Variants in LHFPL3 observed in about 807,000 individuals in gnomAD.
The protein encoded by LHFPL3 is LHFPL tetraspan subfamily member 3.
In LHFPL3, 5 loss-of-function variants were observed where a neutral mutation model predicts 19.3. That is an observed-to-expected ratio of 0.26 (90% CI 0.14 to 0.54). LHFPL3 has a LOEUF of 0.54. Among genes scored for constraint, LHFPL3 ranks in the 20% least tolerant of loss-of-function variants. LHFPL3 has a pLI of 0.94. For missense variants in LHFPL3, 249 were observed against 307.4 expected, an observed-to-expected ratio of 0.81 and a Z score of 1.42; for synonymous variants, 133 against 126.2, an observed-to-expected ratio of 1.05 and a Z score of -0.36.
At chr7:104,859,873 A>G (rs1382358862) in intron 2 of LHFPL3, among the ~76,000 whole-genome samples, 1 of 152,184 alleles carries the variant, frequency 6.6e-6, no homozygotes, top group Non-Finnish European at 1.5e-5. Context: ...ATGTAGGTTT[A>G]TCAATTGTAA....
intron 1 of LHFPL3, among the ~76,000 whole-genome samples, chr7:104,369,195 T>C (rs183966602): frequency 2.0e-5 from 3 of 152,294 alleles, no homozygotes; most frequent in African/African-American, 7.2e-5. Flanking sequence ...AAAATTCTCT[T>C]GAGTCTGTGT....
intron 1 of LHFPL3, among the ~76,000 whole-genome samples, chr7:104,679,341 T>C (rs10279337): frequency 0.5 from 75,401 of 151,996 alleles, 19,043 homozygotes; most frequent in South Asian, 0.65. Context: ...AGTCTGAAGC[T>C]GCAATGTCTT....
intron 1 of LHFPL3, among the ~76,000 whole-genome samples, chr7:104,551,811 G>C (rs1315260730): frequency 6.6e-6 from 1 of 152,168 alleles, no homozygotes; most frequent in Non-Finnish European, 1.5e-5. Flanking sequence ...CCAGGGAGAA[G>C]CAGGAGAACG....
At chr7:104,484,665 G>T (rs1028403391) in intron 1 of LHFPL3, among the ~76,000 whole-genome samples, 2 of 152,194 alleles carry the variant, frequency 1.3e-5, no homozygotes, top group African/African-American at 4.8e-5. Context: ...AAAGAACAGA[G>T]ATTTATTTCT....
chr7:104,845,430 G>T, intron 2 of LHFPL3: 1 of 1,536,046 alleles, frequency 6.5e-7, no homozygotes, highest in Non-Finnish European at 8.7e-7. Context: ...ACCACACCAT[G>T]TAAGTGTGAG....
intron 2 of LHFPL3, among the ~76,000 whole-genome samples, chr7:104,761,665 A>T (rs1029373912): frequency 6.6e-6 from 1 of 152,180 alleles, no homozygotes; most frequent in African/African-American, 2.4e-5. Flanking sequence ...TAAACGCAGG[A>T]TCCCTTCATT....
chr7:104,538,397 G>A (rs1794427091), intron 1 of LHFPL3, among the ~76,000 whole-genome samples: 1 of 152,186 alleles, frequency 6.6e-6, no homozygotes, highest in Non-Finnish European at 1.5e-5. Flanking sequence ...AGAAGAGACT[G>A]CCTCTTAGAG....
chr7:104,791,814 G>A (rs969884420), intron 2 of LHFPL3, among the ~76,000 whole-genome samples: 2 of 152,140 alleles, frequency 1.3e-5, no homozygotes, highest in African/African-American at 2.4e-5. Context: ...ATTCCAAGAT[G>A]ACTATGTCTT....
chr7:104,880,763 A>G (rs1792034649), intron 2 of LHFPL3, among the ~76,000 whole-genome samples: 1 of 152,134 alleles, frequency 6.6e-6, no homozygotes, highest in African/African-American at 2.4e-5. Flanking sequence ...GCTGTAATGG[A>G]GGTATATAAA....
Position 104,773,684 on chromosome 7 carries a change from C to T in LHFPL3, c.682+36773C>T, listed in dbSNP as rs141417557. Among the ~76,000 whole-genome samples the T allele has an allele frequency of 5.2e-3, 786 of 152,286 alleles. 4 individuals carry two copies. The highest frequency in any genetic ancestry group is 0.018 in the African/African-American group (741 of 41,550). ...GGGCAGGCCCCTGGCCCAGTCCTTA[C>T]AAAGAGAAGAAACCTGGACAGAGAC... On this transcript the variant is annotated intron_variant, in intron 2 of 2. Transcript: ENST00000424859.
chr7:104,633,372 T>C (rs916899417), intron 1 of LHFPL3, among the ~76,000 whole-genome samples: 2 of 152,180 alleles, frequency 1.3e-5, no homozygotes, highest in African/African-American at 4.8e-5. Flanking sequence ...TCTGACTATT[T>C]CTACTCAAGT....
At chr7:104,685,589 G>T (rs1007023319) in intron 1 of LHFPL3, among the ~76,000 whole-genome samples, 45 of 152,274 alleles carry the variant, frequency 3.0e-4, no homozygotes, top group African/African-American at 1.0e-3. Context: ...CAGAGTATAA[G>T]AGCATGTAGG....
At chr7:104,573,034 C>A (rs1790256872) in intron 1 of LHFPL3, among the ~76,000 whole-genome samples, 1 of 152,132 alleles carries the variant, frequency 6.6e-6, no homozygotes, top group African/African-American at 2.4e-5. Flanking sequence ...TTATTTCTGG[C>A]AGCTGATATC....
intron 1 of LHFPL3, among the ~76,000 whole-genome samples, chr7:104,415,216 G>A (rs1430386647): frequency 6.6e-6 from 1 of 152,168 alleles, no homozygotes; most frequent in Non-Finnish European, 1.5e-5. Flanking sequence ...TTCAATAACA[G>A]ATGTTTGTTG....
intron 1 of LHFPL3, among the ~76,000 whole-genome samples, chr7:104,608,676 G>A (rs994596603): frequency 2.9e-4 from 44 of 152,166 alleles, no homozygotes; most frequent in Non-Finnish European, 5.4e-4. Flanking sequence ...AGAAAAAGGG[G>A]TGCCAAGCCT....
chr7:104,431,622 A>G (rs1245563809), intron 1 of LHFPL3, among the ~76,000 whole-genome samples: 1 of 152,134 alleles, frequency 6.6e-6, no homozygotes, highest in Non-Finnish European at 1.5e-5. Flanking sequence ...TTTTGTGGCA[A>G]ACTTTTTGGG....
At chr7:104,806,061 G>A (rs1473637202) in intron 2 of LHFPL3, among the ~76,000 whole-genome samples, 2 of 152,166 alleles carry the variant, frequency 1.3e-5, no homozygotes, top group Non-Finnish European at 2.9e-5. Context: ...TAGTGCGTAC[G>A]ACTGACAATG....
chr7:104,685,769 C>G (rs1376660354), intron 1 of LHFPL3, among the ~76,000 whole-genome samples: 2 of 152,314 alleles, frequency 1.3e-5, no homozygotes, highest in South Asian at 2.1e-4. Flanking sequence ...TACCATGGTA[C>G]ACACATAGTG....
intron 2 of LHFPL3, among the ~76,000 whole-genome samples, chr7:104,867,773 A>C (rs1791756150): frequency 1.3e-5 from 2 of 152,068 alleles, no homozygotes; most frequent in South Asian, 2.1e-4. Context: ...GAGACACAAC[A>C]AAAAAAGAGA....
Sources: allele counts gnomAD v4.1 joint callset (sites outside exome capture counted in the v4.1 genomes callset), GRCh38; gene constraint gnomAD v4.1.1; transcripts MANE v1.5; gene names NCBI Gene and HGNC (gene_info 2026-07-23, HGNC 2026-07-21).